Variants in RAB11FIP2 observed in about 807,000 individuals in gnomAD.
RAB11FIP2 encodes RAB11 family interacting protein 2, also known as rab11 family-interacting protein 2.
RAB11FIP2 carries 16 observed loss-of-function variants against 40.9 expected under a neutral mutation model. The ratio of observed to expected loss-of-function variants is 0.39; its 90% CI spans 0.26 to 0.59. RAB11FIP2 has a LOEUF of 0.59. Ranked by LOEUF, RAB11FIP2 falls within the 20% of genes least tolerant of loss-of-function variation. RAB11FIP2 has a pLI of 0.53. For synonymous variants in RAB11FIP2, 228 were observed against 213.7 expected (o/e 1.07, Z -0.58); for missense variants, 532 against 606.2 (o/e 0.88, Z 1.28).
intron 3 of RAB11FIP2, among the ~76,000 whole-genome samples, chr10:118,021,359 T>C (rs1453211279): frequency 6.6e-6 from 1 of 152,210 alleles, no homozygotes; most frequent in East Asian, 1.9e-4. Context: ...TAAAATCTTA[T>C]ACCATAAAAT....
At chr10:118,026,531 A>G (rs893332543) in intron 3 of RAB11FIP2, among the ~76,000 whole-genome samples, 1 of 152,184 alleles carries the variant, frequency 6.6e-6, no homozygotes. Flanking sequence ...GAATTTCCTA[A>G]GGCAAGTGCC....
chr10:118,016,930 C>CATTATTTCATAAATAAAATAATGAAATA (rs1564830832), intron 3 of RAB11FIP2, among the ~76,000 whole-genome samples: 5 of 152,168 alleles, frequency 3.3e-5, no homozygotes, highest in South Asian at 2.1e-4. Flanking sequence ...CCAGATAGAA[C>CATTATTTCATAAATAAAATAATGAAATA]ATTATTTCAT....
intron 1 of RAB11FIP2, among the ~76,000 whole-genome samples, chr10:118,042,933 G>A (rs761416529): frequency 3.3e-5 from 5 of 152,150 alleles, no homozygotes; most frequent in African/African-American, 4.8e-5. Context: ...ACATAATAGG[G>A]AAGTCTTAAT....
rs1053487534 is a variant in RAB11FIP2, at chr10:118,005,755, G to T, written c.*3243C>A. The T allele has an allele frequency of 2.1e-5, 3 of 145,244 alleles. No individual in the cohort carries two copies. Among genetic ancestry groups the T allele is most frequent in the Non-Finnish European group, 1.5e-5 (1 of 65,568 alleles). The allele number at this position is 145,244 out of a possible 1,614,324, so 9.0% of individuals were successfully genotyped here. A position where few individuals can be genotyped will look rare whatever the true frequency, so the allele number is the denominator to read the frequency against. ...TAGATATATTAGACAACAGTTTTTT[G>T]TTTTTTTTTTTAGATTCTCTTTGTT... On this transcript the variant is annotated 3_prime_UTR_variant, in exon 5 of 5. Transcript: ENST00000355624.
chr10:118,046,882 G>T lies in RAB11FIP2; in HGVS notation c.-719C>A, dbSNP rs1024182323. ...GGCCCGGCCGGCGGCTCCTAACACC[G>T]GGCGGGCGGCTGCGGCGGCACTTCC... On this transcript the variant is annotated 5_prime_UTR_variant, in exon 1 of 5. Transcript: ENST00000355624. 3 of 153,290 alleles carry T rather than the reference G, an allele frequency of 2.0e-5. No homozygotes were observed. The highest frequency in any genetic ancestry group is 2.0e-4 in the South Asian group (1 of 4,886). The allele number at this position is 153,290 out of a possible 1,614,324, so 9.5% of individuals were successfully genotyped here. A position where few individuals can be genotyped will look rare whatever the true frequency, so the allele number is the denominator to read the frequency against.
chr10:118,027,607 T>G (rs886774084), intron 3 of RAB11FIP2, among the ~76,000 whole-genome samples: 17 of 152,172 alleles, frequency 1.1e-4, no homozygotes, highest in Non-Finnish European at 1.6e-4. Flanking sequence ...GAGCTGCTGC[T>G]GCGGCACACC....
intron 4 of RAB11FIP2, among the ~76,000 whole-genome samples, chr10:118,012,378 A>AAC (rs1466861814): frequency 6.6e-6 from 1 of 151,978 alleles, no homozygotes; most frequent in Non-Finnish European, 1.5e-5. Context: ...ACATCTTAGA[A>AAC]ACATATGTAC....
At chr10:118,017,627 A>G (rs1846237653) in intron 3 of RAB11FIP2, 1 of 152,188 alleles carries the variant, frequency 6.6e-6, no homozygotes. Flanking sequence ...CGCATTCCTC[A>G]GGCCCAATCC....
rs1294042026 is a variant in RAB11FIP2, at chr10:118,007,968, T to C, written c.*1030A>G. The C allele has an allele frequency of 2.0e-5, 3 of 152,512 alleles. No homozygotes were observed. Among genetic ancestry groups the C allele is most frequent in the African/African-American group, 7.2e-5 (3 of 41,434 alleles). The allele number at this position is 152,512 out of a possible 1,614,324, so 9.4% of individuals were successfully genotyped here. On this transcript the variant is annotated 3_prime_UTR_variant, in exon 5 of 5. Coordinates refer to ENST00000355624, the MANE Select transcript of RAB11FIP2 (RefSeq NM_014904.3). ...CCTGAAACCAAGCCTAATTCTTCAT[T>C]CCTGGAATCTGCCCGCTGCTTTGGG...
At chr10:118,041,567 G>A in intron 1 of RAB11FIP2, among the ~76,000 whole-genome samples, 1 of 152,118 alleles carries the variant, frequency 6.6e-6, no homozygotes, top group East Asian at 1.9e-4. Flanking sequence ...TTAGCAATGA[G>A]GCATAATATC....
At chr10:118,035,804 A>G (rs1451914862) in intron 3 of RAB11FIP2, among the ~76,000 whole-genome samples, 1 of 152,126 alleles carries the variant, frequency 6.6e-6, no homozygotes, top group African/African-American at 2.4e-5. Context: ...AGCACAGGGA[A>G]CAACTACCCC....
chr10:118,043,882 A>T (rs1327700901), intron 1 of RAB11FIP2, among the ~76,000 whole-genome samples: 1 of 152,226 alleles, frequency 6.6e-6, no homozygotes, highest in Non-Finnish European at 1.5e-5. Flanking sequence ...AAGCTATTAA[A>T]TATATTAAAA....
intron 3 of RAB11FIP2, among the ~76,000 whole-genome samples, chr10:118,024,404 G>A (rs1343021978): frequency 2.0e-5 from 3 of 151,304 alleles, no homozygotes; most frequent in African/African-American, 4.9e-5. Flanking sequence ...GCTGTGTTGC[G>A]TTTGGTCTGT....
intron 3 of RAB11FIP2, among the ~76,000 whole-genome samples, chr10:118,026,880 T>C (rs547942644): frequency 6.6e-6 from 1 of 152,356 alleles, no homozygotes; most frequent in South Asian, 2.1e-4. Context: ...TATTGCTGAA[T>C]ATATGTCTTG....
rs767160286 is a variant in RAB11FIP2 at position 118,046,085 on chromosome 10, G to A, written c.79C>T (p.Pro27Ser). The A allele has an allele frequency of 6.2e-7, 1 of 1,614,152 alleles. No individual in the cohort carries two copies. Among genetic ancestry groups the A allele is most frequent in the Non-Finnish European group, 8.5e-7 (1 of 1,180,028 alleles). The stretch of plus-strand genomic sequence containing the variant: ...TCATTGGTACCACTTTTGCCTTTTG[G>A]CTTCAGATCTTTGGCTTGGAGCACT... ...VTVLQAKDLK[P>S]KGKSGTNDTY... The change falls in exon 1 of 5, where the codon CCA (proline) becomes TCA (serine). Residue 27 changes from proline (P) to serine (S), a missense_variant. Transcript: ENST00000355624.
At chr10:118,038,840 A>G in intron 3 of RAB11FIP2, 132 bp downstream of exon 3, 1 of 698,654 alleles carries the variant, frequency 1.4e-6, no homozygotes, top group Non-Finnish European at 2.2e-6. Context: ...CTATAATTTA[A>G]TTATACAAAT....
At position 118,040,205 on chromosome 10, in the gene RAB11FIP2, A is replaced by G; in HGVS notation, c.714T>C (p.Ser238=). Reference sequence around the variant, plus strand: ...CTATGGTGCCAGCCTTCAGTTTCTCAGAAGACATATGGGACCCAGATAAAT... The same window carrying G: ...CTATGGTGCCAGCCTTCAGTTTCTCGGAAGACATATGGGACCCAGATAAAT... The part of the protein sequence containing the change: ...MSDLSGSHMS[S]EKLKAGTIGQ... Residue 238 remains serine (S), a synonymous_variant, in exon 2 of 5, where the codon TCT becomes TCC. Coordinates refer to ENST00000355624, the MANE Select transcript of RAB11FIP2 (RefSeq NM_014904.3). The G allele has an allele frequency of 6.2e-7, 1 of 1,613,902 alleles. No homozygotes were observed. The highest frequency in any genetic ancestry group is 8.5e-7 in the Non-Finnish European group (1 of 1,179,808).
Position 118,039,136 on chromosome 10 carries a change from T to C in RAB11FIP2, c.1101A>G (p.Lys367=), listed in dbSNP as rs1846520071. 4 of 1,613,542 alleles carry C rather than the reference T, an allele frequency of 2.5e-6. No homozygotes were observed. In the South Asian group the frequency reaches 3.3e-5, roughly 13 times the overall value. Residue 367 remains lysine, a synonymous_variant, in exon 3 of 5, where the codon AAA becomes AAG. Coordinates refer to ENST00000355624, the MANE Select transcript of RAB11FIP2 (RefSeq NM_014904.3). ...TAAGTTTATCAGATCTTCTGCTATCTTTTTTTCCAGTCACTCTTTCAAACA... is the reference window on the plus strand; with the variant it reads ...TAAGTTTATCAGATCTTCTGCTATCCTTTTTTCCAGTCACTCTTTCAAACA... ...VSLFERVTGK[K]DSRRSDKLNN...
chr10:118,026,253 C>T (rs537060693), intron 3 of RAB11FIP2, among the ~76,000 whole-genome samples: 4 of 152,190 alleles, frequency 2.6e-5, no homozygotes, highest in South Asian at 2.1e-4. Flanking sequence ...AATGACGTGA[C>T]GACAGTCTAA....
Sources: gnomAD v4.1 joint callset for allele counts (sites outside exome capture counted in the v4.1 genomes callset) on GRCh38, gnomAD v4.1.1 for gene constraint, MANE v1.5 for transcripts, NCBI Gene and HGNC (gene_info 2026-07-23, HGNC 2026-07-21) for gene names.